Variants in SDCCAG8 observed in about 807,000 individuals in gnomAD.
The protein encoded by SDCCAG8 is SHH signaling and ciliogenesis regulator SDCCAG8, also known as serologically defined colon cancer antigen 8.
SDCCAG8 carries 74 observed loss-of-function variants against 101.8 expected under a neutral mutation model. The ratio of observed to expected loss-of-function variants is 0.73; its 90% CI spans 0.60 to 0.88. SDCCAG8 has a LOEUF of 0.88. SDCCAG8 is among the 40% of genes least tolerant of loss of function. SDCCAG8 has a pLI of 0.00. For synonymous variants in SDCCAG8, 281 were observed against 292.9 expected, an observed-to-expected ratio of 0.96 and a Z score of 0.41; for missense variants, 787 against 822.6, an observed-to-expected ratio of 0.96 and a Z score of 0.53.
At chr1:243,316,642 C>A in intron 8 of SDCCAG8, 113 bp from the exon 9 acceptor site, 1 of 1,293,182 alleles carries the variant, frequency 7.7e-7, no homozygotes, top group Non-Finnish European at 1.1e-6. Context: ...CATATGTGCT[C>A]AGCCGGCCTA....
intron 5 of SDCCAG8, among the ~76,000 whole-genome samples, chr1:243,290,712 G>A (rs10803133): frequency 0.44 from 66,495 of 151,954 alleles, 17,140 homozygotes; most frequent in East Asian, 0.74. Flanking sequence ...TCTCTTCTTC[G>A]AATGCCCTTT....
intron 16 of SDCCAG8, among the ~76,000 whole-genome samples, chr1:243,448,974 T>C (rs1156882677): frequency 6.6e-6 from 1 of 152,258 alleles, no homozygotes; most frequent in Non-Finnish European, 1.5e-5. Context: ...AAAAATATTT[T>C]ATAACCTCTC....
chr1:243,496,679 TG>T (rs1667994857), intron 17 of SDCCAG8, among the ~76,000 whole-genome samples: 1 of 152,204 alleles, frequency 6.6e-6, no homozygotes, highest in African/African-American at 2.4e-5. Flanking sequence ...CTGCCACTTC[TG>T]GCTGGTTTGG....
chr1:243,267,526 C>G (rs891879852), intron 1 of SDCCAG8: 2 of 399,910 alleles, frequency 5.0e-6, no homozygotes, highest in African/African-American at 4.2e-5. Context: ...CGCTTGAACC[C>G]GAGAGGCGGA....
intron 9 of SDCCAG8, 124 bp downstream of exon 9, chr1:243,317,017 A>G (rs543631756): frequency 1.5e-5 from 15 of 1,014,362 alleles, no homozygotes; most frequent in Admixed American, 1.4e-4. Flanking sequence ...TGAATTATCA[A>G]TCTGTTAATG....
intron 12 of SDCCAG8, among the ~76,000 whole-genome samples, chr1:243,358,494 T>TC (rs2076518174): frequency 6.6e-6 from 1 of 152,042 alleles, no homozygotes; most frequent in Non-Finnish European, 1.5e-5. Flanking sequence ...AAACTGGAAC[T>TC]CCCCCATAAG....
chr1:243,262,106 G>GGCCTCATGTGGCTCTTCTT (rs1426460954), intron 1 of SDCCAG8, among the ~76,000 whole-genome samples: 332 of 146,300 alleles, frequency 2.3e-3, no homozygotes, highest in Admixed American at 3.0e-3. Context: ...CACGGTGCCC[G>GGCCTCATGTGGCTCTTCTT]ACTTTTTTTT....
intron 5 of SDCCAG8, among the ~76,000 whole-genome samples, chr1:243,290,698 G>T (rs530767368): frequency 6.6e-6 from 1 of 152,262 alleles, no homozygotes; most frequent in East Asian, 1.9e-4. Flanking sequence ...TTATCATGAG[G>T]TTCTCTCTTC....
At chr1:243,428,820 C>T (rs193210774) in intron 16 of SDCCAG8, among the ~76,000 whole-genome samples, 43 of 152,194 alleles carry the variant, frequency 2.8e-4, no homozygotes, top group East Asian at 5.8e-4. Context: ...ACTGTACTAC[C>T]GTGATAATTT....
chr1:243,496,274 C>T (rs1233372461), intron 17 of SDCCAG8, among the ~76,000 whole-genome samples: 2 of 152,186 alleles, frequency 1.3e-5, no homozygotes, highest in South Asian at 2.1e-4. Context: ...CGGGTGCGGG[C>T]GGAGCCGGGC....
intron 6 of SDCCAG8, among the ~76,000 whole-genome samples, chr1:243,299,146 G>C (rs904709314): frequency 6.6e-6 from 1 of 152,054 alleles, no homozygotes; most frequent in Non-Finnish European, 1.5e-5. Flanking sequence ...AATTATTCCT[G>C]ACTTTTTATT....
chr1:243,259,711 C>T (rs1004415245), intron 1 of SDCCAG8, among the ~76,000 whole-genome samples: 4 of 151,890 alleles, frequency 2.6e-5, no homozygotes, highest in Admixed American at 2.6e-4. Flanking sequence ...CCCAGCTACT[C>T]GGGAGGCTGA....
At chr1:243,387,120 G>A (rs1196454250) in intron 13 of SDCCAG8, among the ~76,000 whole-genome samples, 1 of 152,156 alleles carries the variant, frequency 6.6e-6, no homozygotes, top group Non-Finnish European at 1.5e-5. Context: ...CCGCTCATAT[G>A]ACTACCATTT....
intron 13 of SDCCAG8, among the ~76,000 whole-genome samples, chr1:243,379,458 A>G (rs2077804408): frequency 6.6e-6 from 1 of 152,186 alleles, no homozygotes; most frequent in Non-Finnish European, 1.5e-5. Flanking sequence ...CATTGTCATC[A>G]ACTTTAGTAA....
At chr1:243,342,318 T>A (rs1361866309) in intron 11 of SDCCAG8, among the ~76,000 whole-genome samples, 1 of 152,192 alleles carries the variant, frequency 6.6e-6, no homozygotes, top group Non-Finnish European at 1.5e-5. Flanking sequence ...GACATATACA[T>A]CAGAAGAGCG....
At chr1:243,450,252 C>A (rs1392893942) in intron 16 of SDCCAG8, among the ~76,000 whole-genome samples, 1 of 152,176 alleles carries the variant, frequency 6.6e-6, no homozygotes, top group Non-Finnish European at 1.5e-5. Flanking sequence ...TCTCTAGGAA[C>A]TGACATTGTT....
chr1:243,356,312 A>T (rs1056216217), intron 12 of SDCCAG8, among the ~76,000 whole-genome samples: 4 of 151,746 alleles, frequency 2.6e-5, no homozygotes, highest in Admixed American at 2.6e-4. Context: ...GAAGTATCTC[A>T]ATGCTGAATT....
intron 13 of SDCCAG8, among the ~76,000 whole-genome samples, chr1:243,414,117 T>C (rs2080393029): frequency 6.6e-6 from 1 of 152,198 alleles, no homozygotes; most frequent in African/African-American, 2.4e-5. Context: ...TGATAAATAC[T>C]ATCTTTGTAC....
intron 12 of SDCCAG8, among the ~76,000 whole-genome samples, chr1:243,372,940 ATATCTATATCTATC>A (rs2077381774): frequency 7.0e-6 from 1 of 143,618 alleles, no homozygotes; most frequent in African/African-American, 2.7e-5. Flanking sequence ...ATCTATATCT[ATATCTATATCTATC>A]TATATATATA....
Sources: gnomAD v4.1 joint callset for allele counts (sites outside exome capture counted in the v4.1 genomes callset) on GRCh38, gnomAD v4.1.1 for gene constraint, MANE v1.5 for transcripts, NCBI Gene and HGNC (gene_info 2026-07-23, HGNC 2026-07-21) for gene names.